The following PPEF2 variants were observed in gnomAD, a reference collection of about 807,000 sequenced individuals.
PPEF2 encodes serine/threonine-protein phosphatase with EF-hands 2.
Under a neutral mutation model 84.7 loss-of-function variants are expected in PPEF2, and 84 were observed. That is an observed-to-expected ratio of 0.99 (90% CI 0.83 to 1.19). The LOEUF (loss-of-function observed/expected upper bound fraction) is 1.19, where lower values mean the gene tolerates loss of function less well. Ranked by LOEUF, PPEF2 falls within the 50% of genes most tolerant of loss-of-function variation. The probability of loss-of-function intolerance (pLI) is 0.00; values close to 1 mark genes in which losing one functional copy is unlikely to be tolerated. For synonymous variants in PPEF2, 346 were observed against 345.2 expected (o/e 1.00, Z -0.03); for missense variants, 924 against 937.5 (o/e 0.99, Z 0.19).
chr4:75,877,380 G>GAA (rs33946709), intron 10 of PPEF2, among the ~76,000 whole-genome samples: 131,872 of 150,008 alleles, frequency 0.88, 60,472 homozygotes, highest in Non-Finnish European at 1. Flanking sequence ...GAAAGAAAGA[G>GAA]AGAAAGAAAG....
Position 75,896,393 on chromosome 4 carries a change from T to C in PPEF2, c.-58-10A>G. 1 of 1,540,982 alleles carries C rather than the reference T, an allele frequency of 6.5e-7. No individual in the cohort carries two copies. The stretch of plus-strand genomic sequence containing the variant: ...GACAGTGAGCTGTTTGCTGACAAAA[T>C]GAAGAGAGAATCTGTAATAGGAGAT... On this transcript the variant is annotated splice_polypyrimidine_tract_variant and intron_variant, in intron 1 of 16. Transcript: ENST00000286719.
chr4:75,884,656 C>G lies in PPEF2; in HGVS notation c.684G>C (p.Leu228=), dbSNP rs368180001. 3 of 1,613,652 alleles carry G rather than the reference C, an allele frequency of 1.9e-6. No individual in the cohort carries two copies. In the African/African-American group the frequency reaches 4.0e-5, roughly 22 times the overall value. The change falls in exon 8 of 17, where the codon CTG becomes CTC. Residue 228 remains leucine (L), a synonymous_variant. Transcript: ENST00000286719. ...TAAGATGGAACTCTTTGGGGTAAAC[C>G]AGCATGAAGGCAAAAAGAATCATCA... ...EILMILFAFM[L]VYPKEFHLNR...
At chr4:75,877,378 G>GAGAAAGAA (rs757534820) in intron 10 of PPEF2, among the ~76,000 whole-genome samples, 2,166 of 5,246 alleles carry the variant, frequency 0.41, 65 homozygotes, top group African/African-American at 0.49. Flanking sequence ...GAGAAAGAAA[G>GAGAAAGAA]AGAGAAAGAA....
chr4:75,883,310 A>G (rs1724626835), intron 8 of PPEF2, 108 bp from the exon 9 acceptor site: 1 of 1,012,458 alleles, frequency 9.9e-7, no homozygotes, highest in Non-Finnish European at 1.5e-6. Context: ...ACTTAAATAC[A>G]TAGAAAAGAG....
Position 75,878,810 on chromosome 4 carries a change from C to T in PPEF2, c.934-2137G>A, listed in dbSNP as rs191747669. Among the ~76,000 whole-genome samples the T allele has an allele frequency of 1.1e-3, 169 of 152,296 alleles. 1 individual carries two copies. Among genetic ancestry groups the T allele is most frequent in the African/African-American group, 4.0e-3 (165 of 41,566 alleles). On this transcript the variant is annotated intron_variant, in intron 10 of 16. Coordinates refer to ENST00000286719, the MANE Select transcript of PPEF2 (RefSeq NM_006239.3). ...TATTATATTTTTTTAGATGGAGTCT[C>T]GCTCTGTCACCAGGCTGGAGTGCAG... is the stretch of plus-strand genomic sequence containing the variant.
intron 10 of PPEF2, among the ~76,000 whole-genome samples, chr4:75,878,087 T>C (rs1315894383): frequency 6.6e-6 from 1 of 152,198 alleles, no homozygotes; most frequent in African/African-American, 2.4e-5. Context: ...TTAATGGTAC[T>C]TTAGAGGAAG....
intron 2 of PPEF2, among the ~76,000 whole-genome samples, chr4:75,894,241 C>G (rs1378392356): frequency 6.6e-6 from 1 of 152,032 alleles, no homozygotes; most frequent in East Asian, 1.9e-4. Flanking sequence ...ATATTTATGT[C>G]TCTATATACA....
intron 1 of PPEF2, among the ~76,000 whole-genome samples, 172 bp from the exon 2 acceptor site, chr4:75,896,555 G>A (rs368433582): frequency 6.8e-4 from 104 of 152,250 alleles, no homozygotes; most frequent in African/African-American, 1.7e-3. Flanking sequence ...TAGGTCTCCC[G>A]TTTTCAACCT....
At chr4:75,888,365 A>G (rs753192803) in intron 5 of PPEF2, 37 bp from the exon 6 acceptor site, 9 of 1,475,472 alleles carry the variant, frequency 6.1e-6, no homozygotes, top group Middle Eastern at 1.7e-4. Context: ...AGAAAACAAC[A>G]CTGATATTCG....
chr4:75,867,199 G>A (rs1464565821), intron 14 of PPEF2, 114 bp downstream of exon 14: 1 of 675,876 alleles, frequency 1.5e-6, no homozygotes, highest in African/African-American at 1.9e-5. Flanking sequence ...TATAGCCAAA[G>A]GGAACTTTGG....
Position 75,879,553 on chromosome 4 carries a change from A to G in PPEF2, c.934-2880T>C, listed in dbSNP as rs1724512297. ...TCCTTATCTTACATATGGAAAACTTAGTAATTGTAGAGTTTTTTTGTCAGA... is the reference window on the plus strand; with the variant it reads ...TCCTTATCTTACATATGGAAAACTTGGTAATTGTAGAGTTTTTTTGTCAGA... On this transcript the variant is annotated intron_variant, in intron 10 of 16. Coordinates refer to ENST00000286719, the MANE Select transcript of PPEF2 (RefSeq NM_006239.3). Among the ~76,000 whole-genome samples the G allele has an allele frequency of 2.0e-5, 3 of 152,146 alleles. No individual in the cohort carries two copies. In the South Asian group the frequency reaches 6.2e-4, roughly 32 times the overall value.
At chr4:75,886,343 G>A (rs79412953) in intron 7 of PPEF2, among the ~76,000 whole-genome samples, 1 of 152,204 alleles carries the variant, frequency 6.6e-6, no homozygotes. Flanking sequence ...ACCCGAGGCC[G>A]GTGCGGAGAG....
chr4:75,888,306 A>G lies in PPEF2; in HGVS notation c.440T>C (p.Leu147Ser). 6.2e-7 allele frequency: 1 copy of G among 1,613,948 alleles called. No homozygotes were observed. The change falls in exon 6 of 17, where the codon TTG becomes TCG. Residue 147 changes from leucine to serine, a missense_variant. Coordinates refer to ENST00000286719, the MANE Select transcript of PPEF2 (RefSeq NM_006239.3). ...TTTCTTGGTTTCATACAAAAGGTTCAAGACGTAGCGAGCATGGAGCTGCTA... is the reference window on the plus strand; with the variant it reads ...TTTCTTGGTTTCATACAAAAGGTTCGAGACGTAGCGAGCATGGAGCTGCTA... Reference protein sequence around the residue: ...LKQQLHARYVLNLLYETKKHL... With the variant: ...LKQQLHARYVSNLLYETKKHL...
At position 75,860,494 on chromosome 4, in the gene PPEF2, A is replaced by G. The variant is rs954928426; in HGVS notation, c.*173T>C. The G allele has an allele frequency of 1.3e-6, 1 of 788,808 alleles. No individual in the cohort carries two copies. The highest frequency in any genetic ancestry group is 2.0e-6 in the Non-Finnish European group (1 of 507,306). 48.9% of individuals were successfully genotyped at this position (788,808 alleles called of 1,614,324 possible). ...GGGCACTCATATACTTAAAACACAT[A>G]CATACACAACACCCCAACCCACCCC... On this transcript the variant is annotated 3_prime_UTR_variant, in exon 17 of 17. Transcript: ENST00000286719.
intron 13 of PPEF2, among the ~76,000 whole-genome samples, chr4:75,868,745 A>G (rs2047979): frequency 0.99 from 151,005 of 152,308 alleles, 74,871 homozygotes; most frequent in Middle Eastern, 1. Flanking sequence ...GCTCATGCCT[A>G]TAATCCCAGC....
intron 16 of PPEF2, among the ~76,000 whole-genome samples, chr4:75,862,330 G>A (rs1724026002): frequency 6.9e-6 from 1 of 144,444 alleles, no homozygotes. Flanking sequence ...AAACTTTCGG[G>A]CATCAAAGGA....
At chr4:75,864,345 T>G in intron 16 of PPEF2, 95 bp downstream of exon 16, 7 of 954,932 alleles carry the variant, frequency 7.3e-6, no homozygotes, top group Non-Finnish European at 1.2e-5. Flanking sequence ...AATGCCTGAG[T>G]GGAGATGAAT....
chr4:75,893,487 GAC>G (rs10624574), intron 2 of PPEF2, among the ~76,000 whole-genome samples: 4,586 of 148,896 alleles, frequency 0.031, 80 homozygotes, highest in African/African-American at 0.041. Context: ...TAGAGACTCT[GAC>G]ACACACACAC....
chr4:75,895,601 G>A (rs140873796), intron 2 of PPEF2, among the ~76,000 whole-genome samples: 4,186 of 140,726 alleles, frequency 0.03, 72 homozygotes, highest in African/African-American at 0.044. Context: ...GCGTGGTCGC[G>A]GGCGCCTGAA....
Sources: gnomAD v4.1 joint callset for allele counts (sites outside exome capture counted in the v4.1 genomes callset) on GRCh38, gnomAD v4.1.1 for gene constraint, MANE v1.5 for transcripts, NCBI Gene and HGNC (gene_info 2026-07-23, HGNC 2026-07-21) for gene names.